ZBTB8A: variants seen among roughly 807,000 people sequenced by gnomAD.
ZBTB8A encodes zinc finger and BTB domain-containing protein 8A.
ZBTB8A carries 19 observed loss-of-function variants against 37.8 expected under a neutral mutation model. The observed-to-expected ratio is 0.50, with a 90% CI of 0.35 to 0.74. The LOEUF is 0.74. Ranked by LOEUF, ZBTB8A falls within the 30% of genes least tolerant of loss-of-function variation. The pLI, the probability that ZBTB8A is intolerant of heterozygous loss-of-function variation, is 0.01. For synonymous variants in ZBTB8A, 181 were observed against 185.2 expected (o/e 0.98, Z 0.19); for missense variants, 394 against 537.8 (o/e 0.73, Z 2.65).
intron 2 of ZBTB8A, among the ~76,000 whole-genome samples, chr1:32,554,198 CAAAAAA>C (rs1017025736): frequency 6.0e-5 from 3 of 50,188 alleles, no homozygotes; most frequent in African/African-American, 2.1e-4. Flanking sequence ...AGACTGTCTC[CAAAAAA>C]AAAAAAAAAA....
chr1:32,578,508 C>T (rs984869102), intron 2 of ZBTB8A, among the ~76,000 whole-genome samples: 11 of 151,790 alleles, frequency 7.2e-5, no homozygotes, highest in Admixed American at 2.6e-4. Context: ...CCACCAGGCC[C>T]GGCCCTAATT....
In ZBTB8A at chr1:32,593,710, A is replaced by T. The variant is rs746335133; in HGVS notation, c.779A>T (p.Tyr260Phe). 1.2e-6 allele frequency: 2 copies of T among 1,614,098 alleles called. No individual in the cohort carries two copies. Among genetic ancestry groups the T allele is most frequent in the African/African-American group, 2.7e-5 (2 of 75,056 alleles). ...DAEMDSTPVGYQYGQGSDVTS... is the reference protein window; with the variant it reads ...DAEMDSTPVGFQYGQGSDVTS... ...GAAATGGACTCTACTCCTGTTGGCTATCAGTACGGTCAAGGATCTGATGTC... is the reference window on the plus strand; with the variant it reads ...GAAATGGACTCTACTCCTGTTGGCTTTCAGTACGGTCAAGGATCTGATGTC... The change falls in exon 3 of 5, where the codon TAT becomes TTT. Residue 260 changes from tyrosine to phenylalanine, a missense_variant. Transcript: ENST00000373510.
rs1335367229 is a variant in ZBTB8A at position 32,562,568 on chromosome 1, GC to G, written c.-2+9029del. On this transcript the variant is annotated intron_variant, in intron 2 of 4. Transcript: ENST00000373510. ...TTATAGGCCTGAGCCACCGCGTCCG[GC>G]TTTTTTTTTTTTTTTTTTTTTTGAT... Among the ~76,000 whole-genome samples the G allele has an allele frequency of 8.0e-5, 11 of 137,556 alleles. No individual in the cohort carries two copies. The East Asian group carries it at 1.1e-3, about 13-fold the overall frequency. The allele number at this position is 137,556 out of a possible 152,430, so 90.2% of individuals were successfully genotyped here.
intron 2 of ZBTB8A, among the ~76,000 whole-genome samples, chr1:32,574,168 TAG>T (rs1318996973): frequency 2.0e-5 from 3 of 152,102 alleles, no homozygotes; most frequent in Non-Finnish European, 2.9e-5. Flanking sequence ...TTGATTTGTG[TAG>T]AGTATTCTAT....
chr1:32,546,793 G>A (rs988699626), intron 1 of ZBTB8A, among the ~76,000 whole-genome samples: 1 of 152,200 alleles, frequency 6.6e-6, no homozygotes, highest in African/African-American at 2.4e-5. Context: ...TGTGAAACAC[G>A]GAGGGCATAG....
chr1:32,576,110 G>C (rs931419453), intron 2 of ZBTB8A, among the ~76,000 whole-genome samples: 5 of 152,046 alleles, frequency 3.3e-5, no homozygotes, highest in African/African-American at 1.2e-4. Flanking sequence ...AAGGTTTTAT[G>C]GGAACATAGC....
intron 2 of ZBTB8A, among the ~76,000 whole-genome samples, chr1:32,560,863 T>G (rs1644239312): frequency 6.6e-6 from 1 of 152,024 alleles, no homozygotes; most frequent in Non-Finnish European, 1.5e-5. Context: ...TGACCTCAAG[T>G]GATCTGCCCA....
In ZBTB8A at chr1:32,595,055, T is replaced by C. The variant is rs1644519704; in HGVS notation, c.825T>C (p.Asp275=). ...TTTAATCAAAGCGTCTCTTGACAGA[T>C]GATCTGCCTCGGATGCGATTCAAGT... The part of the protein sequence containing the change: ...GSDVTSKSFP[D]DLPRMRFKCP... Residue 275 remains aspartate (D), a splice_region_variant and synonymous_variant, in exon 4 of 5, where the codon GAT becomes GAC. Coordinates refer to ENST00000373510, the MANE Select transcript of ZBTB8A (RefSeq NM_001040441.3). 1 of 1,613,296 alleles carries C rather than the reference T, an allele frequency of 6.2e-7. No homozygotes were observed. The highest frequency in any genetic ancestry group is 1.1e-5 in the South Asian group (1 of 90,932).
Position 32,593,663 on chromosome 1 carries a change from A to G in ZBTB8A, c.732A>G (p.Glu244=). Residue 244 remains glutamate (E), a synonymous_variant, in exon 3 of 5, where the codon GAA becomes GAG. Transcript: ENST00000373510. The stretch of plus-strand genomic sequence containing the variant: ...CTTCCAGCCATGTTTCCCAGTCTGA[A>G]GAACAAGCACAGATTGATGCTGAAA... ...SDSSSHVSQS[E]EQAQIDAEMD... is the part of the protein sequence containing the mutation. 6.2e-7 allele frequency: 1 copy of G among 1,614,178 alleles called. No individual in the cohort carries two copies. The highest frequency in any genetic ancestry group is 8.5e-7 in the Non-Finnish European group (1 of 1,180,030).
chr1:32,600,139 A>C lies in ZBTB8A; in HGVS notation c.1046A>C (p.Asp349Ala). 3 of 1,614,222 alleles carry C rather than the reference A, an allele frequency of 1.9e-6. No homozygotes were observed. Among genetic ancestry groups the C allele is most frequent in the Non-Finnish European group, 2.5e-6 (3 of 1,180,040 alleles). Residue 349 changes from aspartate to alanine, a missense_variant, in exon 5 of 5, where the codon GAT (aspartate) becomes GCT (alanine). By Grantham distance (126) the Asp-to-Ala change is moderately radical (BLOSUM62 -2). Transcript: ENST00000373510. ...AGAAAATGTAAACGTCATGTGACAG[A>C]TCTAACAGGGCAAGTGGTACAGGAG... ...ICRKCKRHVTDLTGQVVQEGT... is the reference protein window; with the variant it reads ...ICRKCKRHVTALTGQVVQEGT...
At chr1:32,556,643 C>T (rs189349333) in intron 2 of ZBTB8A, among the ~76,000 whole-genome samples, 4 of 152,078 alleles carry the variant, frequency 2.6e-5, no homozygotes, top group Non-Finnish European at 5.9e-5. Flanking sequence ...TTTGGGAGGC[C>T]GAGGCAAGGT....
rs1485785231 is a variant in ZBTB8A, at chr1:32,602,755, G to T, written c.*2336G>T. ...TTTAATAGAGATGGGGTTTCACCGT[G>T]TTAGCCAGGATGGTCTCAATCTCCT... On this transcript the variant is annotated 3_prime_UTR_variant, in exon 5 of 5. Transcript: ENST00000373510. 1.3e-5 allele frequency: 2 copies of T among 151,982 alleles called. No homozygotes were observed. Among genetic ancestry groups the T allele is most frequent in the Admixed American group, 1.3e-4 (2 of 15,248 alleles). The allele number at this position is 151,982 out of a possible 1,614,324, so 9.4% of individuals were successfully genotyped here. A position where few individuals can be genotyped will look rare whatever the true frequency, so the allele number is the denominator to read the frequency against.
intron 2 of ZBTB8A, among the ~76,000 whole-genome samples, chr1:32,586,328 G>T (rs1463603972): frequency 1.3e-5 from 2 of 151,996 alleles, no homozygotes; most frequent in Non-Finnish European, 2.9e-5. Flanking sequence ...TCAAAAAAAA[G>T]AACTATTTCC....
At chr1:32,583,018 C>CATATA (rs1644419300) in intron 2 of ZBTB8A, among the ~76,000 whole-genome samples, 2 of 152,092 alleles carry the variant, frequency 1.3e-5, no homozygotes, top group African/African-American at 4.8e-5. Context: ...ATTATAGGGT[C>CATATA]TTCATCTGTA....
At chr1:32,577,911 A>AT (rs199802620) in intron 2 of ZBTB8A, among the ~76,000 whole-genome samples, 3 of 149,098 alleles carry the variant, frequency 2.0e-5, no homozygotes, top group African/African-American at 7.4e-5. Context: ...ATTTCTATAA[A>AT]TTTTTTTTTT....
rs1570383600 is a variant in ZBTB8A, at chr1:32,604,639, A to G, written c.*4220A>G. On this transcript the variant is annotated 3_prime_UTR_variant, in exon 5 of 5. Coordinates refer to ENST00000373510, the MANE Select transcript of ZBTB8A (RefSeq NM_001040441.3). ...ATATTTTCAGTAATGCAATCAAAAT[A>G]AGCATAGTTACTGTTTTCTGTACGG... 1 of 152,224 alleles carries G rather than the reference A, an allele frequency of 6.6e-6. No homozygotes were observed. Among genetic ancestry groups the G allele is most frequent in the African/African-American group, 2.4e-5 (1 of 41,446 alleles). 9.4% of individuals were successfully genotyped at this position (152,224 alleles called of 1,614,324 possible). A position where few individuals can be genotyped will look rare whatever the true frequency, so the allele number is the denominator to read the frequency against.
intron 1 of ZBTB8A, among the ~76,000 whole-genome samples, chr1:32,550,340 GCA>G (rs1644142081): frequency 6.6e-6 from 1 of 152,168 alleles, no homozygotes; most frequent in South Asian, 2.1e-4. Context: ...TTGGCCAGGT[GCA>G]GTGGCTCACA....
At chr1:32,594,765 CA>C (rs199637697) in intron 3 of ZBTB8A, among the ~76,000 whole-genome samples, 2,227 of 97,648 alleles carry the variant, frequency 0.023, 27 homozygotes, top group East Asian at 0.11. Flanking sequence ...AACTCTATCT[CA>C]AAAAAAAAAA....
At chr1:32,562,053 G>C (rs1187571360) in intron 2 of ZBTB8A, among the ~76,000 whole-genome samples, 1 of 151,196 alleles carries the variant, frequency 6.6e-6, no homozygotes, top group Non-Finnish European at 1.5e-5. Context: ...GGGCTCACAC[G>C]AATCTCCTGC....
Sources: gnomAD v4.1 joint callset for allele counts (sites outside exome capture counted in the v4.1 genomes callset) on GRCh38, gnomAD v4.1.1 for gene constraint, MANE v1.5 for transcripts, NCBI Gene and HGNC (gene_info 2026-07-23, HGNC 2026-07-21) for gene names.